The following CTNND2 variants were observed in gnomAD, a reference collection of about 807,000 sequenced individuals.
The protein encoded by CTNND2 is catenin delta 2, also known as catenin delta-2.
In CTNND2, 22 loss-of-function variants were observed where a neutral mutation model predicts 144.4. That is an observed-to-expected ratio of 0.15 (90% CI 0.11 to 0.22). The LOEUF is 0.22. Among genes scored for constraint, CTNND2 ranks in the 10% least tolerant of loss-of-function variants. The pLI is 1.00. For missense variants in CTNND2, 1,353 were observed against 1,618.8 expected, an observed-to-expected ratio of 0.84 and a Z score of 2.82; for synonymous variants, 751 against 695.6, an observed-to-expected ratio of 1.08 and a Z score of -1.25.
At chr5:11,103,451 G>A (rs373544966) in intron 14 of CTNND2, among the ~76,000 whole-genome samples, 29 of 151,964 alleles carry the variant, frequency 1.9e-4, no homozygotes, top group African/African-American at 5.8e-4. Flanking sequence ...CAGGCAGATC[G>A]CTTGAGGTCA....
intron 1 of CTNND2, among the ~76,000 whole-genome samples, chr5:11,787,716 G>A (rs1255429918): frequency 1.7e-4 from 1 of 5,876 alleles, no homozygotes; most frequent in Non-Finnish European, 6.2e-3. Flanking sequence ...GTCCATGTCT[G>A]TGCACACGTG....
intron 7 of CTNND2, among the ~76,000 whole-genome samples, chr5:11,377,743 C>T (rs1758081547): frequency 6.6e-6 from 1 of 152,152 alleles, no homozygotes; most frequent in South Asian, 2.1e-4. Context: ...CTCGCAATCC[C>T]AACTCTTAGT....
intron 2 of CTNND2, among the ~76,000 whole-genome samples, chr5:11,624,987 GACA>G (rs1259355445): frequency 1.3e-5 from 2 of 151,560 alleles, no homozygotes; most frequent in East Asian, 1.9e-4. Flanking sequence ...AAAATCCATT[GACA>G]ACAACAACCA....
At chr5:11,842,268 C>A (rs1162560370) in intron 1 of CTNND2, among the ~76,000 whole-genome samples, 1 of 152,068 alleles carries the variant, frequency 6.6e-6, no homozygotes, top group Non-Finnish European at 1.5e-5. Context: ...GATTAAAGAA[C>A]AAAGATGCAC....
chr5:11,170,191 G>A (rs902811364), intron 11 of CTNND2, among the ~76,000 whole-genome samples: 13 of 152,148 alleles, frequency 8.5e-5, no homozygotes, highest in African/African-American at 1.4e-4. Context: ...TCAGACAAAC[G>A]TCAGACACAT....
intron 2 of CTNND2, among the ~76,000 whole-genome samples, chr5:11,684,488 T>C (rs1784557895): frequency 6.6e-6 from 1 of 152,248 alleles, no homozygotes; most frequent in Non-Finnish European, 1.5e-5. Flanking sequence ...AAAAAATGAT[T>C]ATTTTAAATT....
chr5:11,364,338 T>TCCTA (rs1756754878), intron 8 of CTNND2, among the ~76,000 whole-genome samples: 2 of 152,264 alleles, frequency 1.3e-5, no homozygotes, highest in Non-Finnish European at 2.9e-5. Flanking sequence ...CTTACCATCA[T>TCCTA]CAAGCATACG....
intron 1 of CTNND2, among the ~76,000 whole-genome samples, chr5:11,877,559 T>G (rs1340993911): frequency 6.6e-6 from 1 of 152,164 alleles, no homozygotes; most frequent in Non-Finnish European, 1.5e-5. Context: ...TTAAGCTGTG[T>G]TACCAATATT....
chr5:11,256,981 T>C (rs942474524), intron 9 of CTNND2, among the ~76,000 whole-genome samples: 30 of 152,138 alleles, frequency 2.0e-4, no homozygotes, highest in African/African-American at 5.3e-4. Context: ...AGTCCAGACA[T>C]TGTCAAATGT....
chr5:11,764,255 A>G (rs1789447773), intron 1 of CTNND2, among the ~76,000 whole-genome samples: 1 of 152,188 alleles, frequency 6.6e-6, no homozygotes, highest in East Asian at 1.9e-4. Flanking sequence ...TAGAGGCTTC[A>G]GAAGCAGTGC....
At chr5:11,443,332 GTGTGTGT>G (rs1764488135) in intron 3 of CTNND2, among the ~76,000 whole-genome samples, 1 of 89,688 alleles carries the variant, frequency 1.1e-5, no homozygotes, top group African/African-American at 4.9e-5. Flanking sequence ...TGTGTGTGTG[GTGTGTGT>G]GGGGAGTGTG....
At chr5:11,185,099 T>A (rs1735492072) in intron 11 of CTNND2, among the ~76,000 whole-genome samples, 1 of 152,182 alleles carries the variant, frequency 6.6e-6, no homozygotes. Context: ...GTAACCTTCG[T>A]GGCCCATGTT....
At chr5:11,240,238 AAC>A (rs529588438) in intron 9 of CTNND2, among the ~76,000 whole-genome samples, 8 of 103,418 alleles carry the variant, frequency 7.7e-5, no homozygotes, top group South Asian at 6.6e-4. Context: ...CACACACACC[AAC>A]ACACACACTC....
chr5:11,765,634 T>C (rs1415939886), intron 1 of CTNND2, among the ~76,000 whole-genome samples: 2 of 152,054 alleles, frequency 1.3e-5, no homozygotes, highest in Admixed American at 1.3e-4. Context: ...GAAAATGGCG[T>C]CGAACTCTCG....
chr5:11,582,196 G>T (rs1198558853), intron 2 of CTNND2, among the ~76,000 whole-genome samples: 1 of 152,166 alleles, frequency 6.6e-6, no homozygotes, highest in Non-Finnish European at 1.5e-5. Flanking sequence ...TACTCATTTG[G>T]AAGGGATCAT....
At chr5:11,081,236 T>C (rs947795268) in intron 16 of CTNND2, among the ~76,000 whole-genome samples, 1 of 151,306 alleles carries the variant, frequency 6.6e-6, no homozygotes, top group Non-Finnish European at 1.5e-5. Flanking sequence ...GAACAGATTT[T>C]TTGAGATTTA....
chr5:11,045,115 T>C (rs1745097657), intron 16 of CTNND2, among the ~76,000 whole-genome samples: 1 of 152,218 alleles, frequency 6.6e-6, no homozygotes, highest in African/African-American at 2.4e-5. Flanking sequence ...GGCCTGGCAT[T>C]TATTCTGGTG....
chr5:11,240,481 T>G (rs1441521394), intron 9 of CTNND2, among the ~76,000 whole-genome samples: 1 of 48,362 alleles, frequency 2.1e-5, no homozygotes, highest in Non-Finnish European at 3.8e-5. Context: ...TCACATACAC[T>G]CAAACACACA....
intron 9 of CTNND2, among the ~76,000 whole-genome samples, chr5:11,275,459 T>A (rs1470942437): frequency 2.0e-5 from 3 of 152,180 alleles, no homozygotes; most frequent in Non-Finnish European, 2.9e-5. Flanking sequence ...ACATCTGGGT[T>A]CAAATTCTGC....
Sources: gnomAD v4.1 joint callset for allele counts (sites outside exome capture counted in the v4.1 genomes callset) on GRCh38, gnomAD v4.1.1 for gene constraint, MANE v1.5 for transcripts, NCBI Gene and HGNC (gene_info 2026-07-23, HGNC 2026-07-21) for gene names.